SMARCA1: variants seen among roughly 807,000 people sequenced by gnomAD.
SMARCA1 encodes SWI/SNF-related matrix-associated actin-dependent regulator of chromatin subfamily A member 1.
Under a neutral mutation model 93.6 loss-of-function variants are expected in SMARCA1, and 17 were observed. The ratio of observed to expected loss-of-function variants is 0.18; its 90% CI spans 0.12 to 0.27. SMARCA1 has a LOEUF of 0.27. Among genes scored for constraint, SMARCA1 ranks in the 10% least tolerant of loss-of-function variants. The pLI is 1.00. For missense variants in SMARCA1, 630 were observed against 819.0 expected, an observed-to-expected ratio of 0.77 and a Z score of 2.82; for synonymous variants, 271 against 271.4, an observed-to-expected ratio of 1.00 and a Z score of 0.01.
At chrX:129,523,064 C>A (rs1312956309) in intron 1 of SMARCA1, 133 bp downstream of exon 1, 4 of 721,464 alleles carry the variant, frequency 5.5e-6, no homozygotes, top group African/African-American at 4.4e-5. Context: ...CCGCCGCCGA[C>A]CCCCGCACCC....
intron 1 of SMARCA1, chrX:129,518,730 C>G (rs978367841): frequency 1.8e-5 from 3 of 166,356 alleles, no homozygotes; most frequent in African/African-American, 3.0e-5. Context: ...GCTTTCTCAT[C>G]CATTCTTTAA....
intron 9 of SMARCA1, among the ~76,000 whole-genome samples, 158 bp downstream of exon 9, chrX:129,504,576 A>AAAAAAC (rs1934731502): frequency 2.0e-5 from 2 of 101,848 alleles, no homozygotes; most frequent in Non-Finnish European, 3.9e-5. Flanking sequence ...AAAAAAAAAA[A>AAAAAAC]AAAAACAAAG....
rs1344979581 is a variant in SMARCA1 at position 129,471,254 on chromosome X, C to T, written c.2515G>A (p.Glu839Lys). The change falls in exon 20 of 25, where the codon GAA becomes AAA. Residue 839 changes from glutamate to lysine, a missense_variant. Glu to Lys is a moderately conservative substitution (Grantham distance 56, BLOSUM62 1). Around this residue, in one of 4 missense-constraint regions of SMARCA1, gnomAD observed 52 missense variants for 38.3 expected, o/e 1.36. Coordinates refer to ENST00000371121, the MANE Select transcript of SMARCA1 (RefSeq NM_001282874.2). The part of the protein sequence containing the change: ...REEQKKIDGA[E>K]PLTPEETEEK... ...TCAGTCTCTTCTGGTGTAAGAGGTTCAGCTCCATCAATCTTTTTTTGCTCT... is the reference window on the plus strand; with the variant it reads ...TCAGTCTCTTCTGGTGTAAGAGGTTTAGCTCCATCAATCTTTTTTTGCTCT... 1 of 1,199,523 alleles carries T rather than the reference C, an allele frequency of 8.3e-7. No homozygotes were observed. Among genetic ancestry groups the T allele is most frequent in the Admixed American group, 2.2e-5 (1 of 45,889 alleles).
At chrX:129,447,782 C>T (rs1481140989) in intron 24 of SMARCA1, among the ~76,000 whole-genome samples, 2 of 111,376 alleles carry the variant, frequency 1.8e-5, no homozygotes, top group African/African-American at 6.5e-5. Context: ...GTTTACTTAA[C>T]CACACTCAAA....
chrX:129,497,428 C>T (rs1416857797), intron 11 of SMARCA1, among the ~76,000 whole-genome samples: 1 of 111,672 alleles, frequency 9.0e-6, no homozygotes, highest in African/African-American at 3.3e-5. Context: ...TCATCAACTG[C>T]CACTCTACCC....
In SMARCA1 at chrX:129,506,125, C is replaced by G; in HGVS notation, c.1053G>C (p.Trp351Cys). The change falls in exon 8 of 25, where the codon TGG becomes TGC. Residue 351 changes from tryptophan to cysteine, a missense_variant. Trp to Cys is a radical substitution (Grantham distance 215). Around this residue, in one of 4 missense-constraint regions of SMARCA1, gnomAD observed 382 missense variants for 537.9 expected, o/e 0.71. Transcript: ENST00000371121. ...TPLQNNLHEL[W>C]ALLNFLLPDV... Reference sequence around the variant, plus strand: ...CAGGCAATAAAAAGTTGAGTAAGGCCCACAGTTCATGCAGGTTATTCTGCA... The same window carrying G: ...CAGGCAATAAAAAGTTGAGTAAGGCGCACAGTTCATGCAGGTTATTCTGCA... 1 of 1,199,929 alleles carries G rather than the reference C, an allele frequency of 8.3e-7. No homozygotes were observed.
At chrX:129,466,854 AC>A (rs200730631) in intron 21 of SMARCA1, among the ~76,000 whole-genome samples, 16 of 107,598 alleles carry the variant, frequency 1.5e-4, no homozygotes, top group East Asian at 1.5e-3. Flanking sequence ...AAAAAAAAAA[AC>A]CTCATTGGGA....
chrX:129,520,154 T>TGTGC (rs1290058806), intron 1 of SMARCA1, among the ~76,000 whole-genome samples: 1 of 109,058 alleles, frequency 9.2e-6, no homozygotes, highest in Non-Finnish European at 1.9e-5. Flanking sequence ...TGTGTGTGTG[T>TGTGC]GTGTGTGTGT....
chrX:129,504,549 TAAAAAAAAAAAAAAAAAA>T (rs780225300), intron 9 of SMARCA1, among the ~76,000 whole-genome samples, 167 bp downstream of exon 9: 1,099 of 24,247 alleles, frequency 0.045, 44 homozygotes, highest in African/African-American at 0.15. Context: ...CATAGAGGAA[TAAAAAAAAAAAAAAAAAA>T]AAAAAAAAAA....
At chrX:129,479,357 T>C (rs184009065) in intron 19 of SMARCA1, among the ~76,000 whole-genome samples, 30 of 111,318 alleles carry the variant, frequency 2.7e-4, no homozygotes, top group African/African-American at 9.4e-4. Flanking sequence ...CTATTTTTAT[T>C]TTATATTTGA....
intron 9 of SMARCA1, 86 bp from the exon 10 acceptor site, chrX:129,499,927 T>C (rs1934488426): frequency 6.8e-6 from 3 of 439,214 alleles, no homozygotes; most frequent in South Asian, 3.4e-5. Flanking sequence ...ATGTGAAATT[T>C]ACTTCCCACT....
At chrX:129,478,137 A>T (rs1044741236) in intron 19 of SMARCA1, among the ~76,000 whole-genome samples, 3 of 111,832 alleles carry the variant, frequency 2.7e-5, no homozygotes, top group African/African-American at 9.8e-5. Flanking sequence ...AGTCCACATG[A>T]GATACCCATG....
At chrX:129,471,173 G>A (rs747861780) in intron 20 of SMARCA1, 31 bp downstream of exon 20, 1 of 1,132,330 alleles carries the variant, frequency 8.8e-7, no homozygotes, top group Non-Finnish European at 1.2e-6. Flanking sequence ...TTGATTGACT[G>A]TAAGTATTAC....
chrX:129,519,162 A>T (rs1450600829), intron 1 of SMARCA1, among the ~76,000 whole-genome samples: 1 of 111,798 alleles, frequency 8.9e-6, no homozygotes, highest in Non-Finnish European at 1.9e-5. Context: ...ATTTAGCGAA[A>T]ACTAACATCA....
intron 11 of SMARCA1, 140 bp from the exon 12 acceptor site, chrX:129,497,011 A>C (rs974060400): frequency 1.3e-5 from 6 of 446,948 alleles, no homozygotes; most frequent in Middle Eastern, 6.0e-4. Flanking sequence ...ACACACACAC[A>C]CACACACACA....
chrX:129,505,949 C>G, intron 8 of SMARCA1, 131 bp downstream of exon 8: 1 of 509,901 alleles, frequency 2.0e-6, no homozygotes. Context: ...GAACTCTTTC[C>G]TAAGAAAACC....
At chrX:129,488,692 T>C (rs1380651863) in intron 16 of SMARCA1, among the ~76,000 whole-genome samples, 1 of 109,840 alleles carries the variant, frequency 9.1e-6, no homozygotes, top group African/African-American at 3.3e-5. Flanking sequence ...TATAGTATTT[T>C]CAATAAAGCA....
At chrX:129,449,313 C>G (rs1408874401) in intron 23 of SMARCA1, among the ~76,000 whole-genome samples, 1 of 111,954 alleles carries the variant, frequency 8.9e-6, no homozygotes, top group East Asian at 2.8e-4. Flanking sequence ...TTTCAGTTCC[C>G]TATGTGCACT....
chrX:129,466,570 G>T (rs1282138529), intron 21 of SMARCA1, among the ~76,000 whole-genome samples: 1 of 110,894 alleles, frequency 9.0e-6, no homozygotes, highest in Non-Finnish European at 1.9e-5. Flanking sequence ...CGGGAGAATT[G>T]CTTGAACCCG....
Sources: gnomAD v4.1 joint callset for allele counts (sites outside exome capture counted in the v4.1 genomes callset) on GRCh38, gnomAD v4.1.1 for gene constraint, gnomAD v4.1.1 regional missense constraint, MANE v1.5 for transcripts, NCBI Gene and HGNC (gene_info 2026-07-23, HGNC 2026-07-21) for gene names.